Variants in ZDHHC17 observed in about 807,000 individuals in gnomAD.
ZDHHC17 encodes zDHHC palmitoyltransferase 17, also known as palmitoyltransferase ZDHHC17.
Under a neutral mutation model 90.3 loss-of-function variants are expected in ZDHHC17, and 40 were observed. That is an observed-to-expected ratio of 0.44 (90% CI 0.34 to 0.58). The LOEUF (loss-of-function observed/expected upper bound fraction) is 0.58. Among genes scored for constraint, ZDHHC17 ranks in the 20% least tolerant of loss-of-function variants. ZDHHC17 has a pLI of 0.01. For missense variants in ZDHHC17, 614 were observed against 780.8 expected, an observed-to-expected ratio of 0.79 and a Z score of 2.55; for synonymous variants, 235 against 252.4, an observed-to-expected ratio of 0.93 and a Z score of 0.65.
At chr12:76,802,145 A>T (rs1952898945) in intron 2 of ZDHHC17, among the ~76,000 whole-genome samples, 1 of 152,194 alleles carries the variant, frequency 6.6e-6, no homozygotes, top group African/African-American at 2.4e-5. Flanking sequence ...GTCCAGTGGT[A>T]ACAGATTCTC....
chr12:76,801,777 T>C (rs904092965), intron 2 of ZDHHC17, among the ~76,000 whole-genome samples: 4 of 152,232 alleles, frequency 2.6e-5, no homozygotes, highest in Admixed American at 2.0e-4. Flanking sequence ...ATACGCTTTT[T>C]AGTTGTTGAT....
intron 1 of ZDHHC17, among the ~76,000 whole-genome samples, chr12:76,774,601 C>T (rs1234946856): frequency 6.6e-6 from 1 of 152,110 alleles, no homozygotes. Context: ...CTTAGTAGAG[C>T]TTTTTTGGAA....
intron 2 of ZDHHC17, among the ~76,000 whole-genome samples, chr12:76,804,435 G>C (rs1333519462): frequency 1.3e-5 from 2 of 152,202 alleles, no homozygotes; most frequent in African/African-American, 4.8e-5. Context: ...GAAGTAAATA[G>C]AAAAGAGAAG....
intron 1 of ZDHHC17, among the ~76,000 whole-genome samples, chr12:76,776,047 T>G (rs1273787612): frequency 6.6e-6 from 1 of 152,132 alleles, no homozygotes; most frequent in African/African-American, 2.4e-5. Flanking sequence ...TAAACTTTTT[T>G]TCCTTATTTG....
chr12:76,845,590 T>C (rs958754614), intron 12 of ZDHHC17, 119 bp from the exon 13 acceptor site: 9 of 409,852 alleles, frequency 2.2e-5, no homozygotes, highest in African/African-American at 6.2e-5. Context: ...AACCTTGATA[T>C]AATCTTGTTT....
chr12:76,765,453 TAGAAA>T (rs1952420202), intron 1 of ZDHHC17, among the ~76,000 whole-genome samples: 1 of 152,228 alleles, frequency 6.6e-6, no homozygotes, highest in African/African-American at 2.4e-5. Context: ...CCAGTCTCAG[TAGAAA>T]AGGCTACTCT....
chr12:76,772,240 C>G (rs1318370105), intron 1 of ZDHHC17, among the ~76,000 whole-genome samples: 1 of 152,188 alleles, frequency 6.6e-6, no homozygotes, highest in South Asian at 2.1e-4. Context: ...TAGGCACTAG[C>G]TAGCTGTGGT....
Position 76,797,497 on chromosome 12 carries a change from A to G in ZDHHC17, c.157A>G (p.Ile53Val), listed in dbSNP as rs369619889. ...TGAACCTCTTGGACGGAAAACTCAT[A>G]TTGATGATTACAGCACATGGGACAT... ...YGEPLGRKTH[I>V]DDYSTWDIVK... is the part of the protein sequence containing the mutation. Residue 53 changes from isoleucine to valine, a missense_variant, in exon 2 of 17, where the codon ATT becomes GTT. Ile to Val is a conservative substitution (Grantham distance 29). Around this residue, in one of 5 missense-constraint regions of ZDHHC17, gnomAD observed 358 missense variants for 380.4 expected, o/e 0.94. Transcript: ENST00000426126. 3 of 1,611,568 alleles carry G rather than the reference A, an allele frequency of 1.9e-6. No individual in the cohort carries two copies. The East Asian group carries it at 6.7e-5, about 36-fold the overall frequency.
intron 12 of ZDHHC17, 56 bp from the exon 13 acceptor site, chr12:76,845,653 A>T: frequency 1.5e-6 from 1 of 682,192 alleles, no homozygotes; most frequent in Non-Finnish European, 2.4e-6. Flanking sequence ...ATAAATAGTC[A>T]GCTTTTCTCT....
intron 13 of ZDHHC17, chr12:76,846,233 T>G (rs966443901): frequency 2.0e-5 from 5 of 249,076 alleles, no homozygotes; most frequent in Non-Finnish European, 3.1e-5. Context: ...ACAGGAAACA[T>G]TACAAAGATT....
intron 10 of ZDHHC17, among the ~76,000 whole-genome samples, chr12:76,831,358 T>G (rs1032527642): frequency 6.6e-6 from 1 of 152,278 alleles, no homozygotes; most frequent in Non-Finnish European, 1.5e-5. Flanking sequence ...TGTTTTGTTT[T>G]GTTTTATTTT....
intron 8 of ZDHHC17, 120 bp from the exon 9 acceptor site, chr12:76,826,788 A>G (rs1953235602): frequency 1.0e-6 from 1 of 986,508 alleles, no homozygotes; most frequent in Admixed American, 3.4e-5. Context: ...GATACATAGC[A>G]TGCAAATTTG....
In ZDHHC17 at chr12:76,766,054, AG is replaced by A. The variant is rs1952427313; in HGVS notation, c.93+1726del. Among the ~76,000 whole-genome samples the A allele has an allele frequency of 2.0e-5, 3 of 152,322 alleles. No homozygotes were observed. The South Asian group carries it at 6.2e-4, about 32-fold the overall frequency. ...TTCATAAACCTTTGCTTTGTAATAT[AG>A]TACTGTTGTTTGCTACTTTAAGAAT... On this transcript the variant is annotated intron_variant, in intron 1 of 16. Transcript: ENST00000426126.
chr12:76,783,917 C>CAGTACCCA (rs559473348), intron 1 of ZDHHC17, among the ~76,000 whole-genome samples: 1,678 of 152,284 alleles, frequency 0.011, 11 homozygotes, highest in Non-Finnish European at 0.017. Context: ...TTGATTATGC[C>CAGTACCCA]AGAGGGCTAG....
chr12:76,834,343 G>A (rs1241877453), intron 10 of ZDHHC17, among the ~76,000 whole-genome samples: 1 of 152,114 alleles, frequency 6.6e-6, no homozygotes, highest in African/African-American at 2.4e-5. Flanking sequence ...GAAATTTTAT[G>A]TCTGAAAATA....
chr12:76,823,372 C>G (rs1953189312), intron 8 of ZDHHC17, among the ~76,000 whole-genome samples: 1 of 152,186 alleles, frequency 6.6e-6, no homozygotes, highest in Non-Finnish European at 1.5e-5. Flanking sequence ...CATATACCTT[C>G]AGTTTTAAAT....
intron 1 of ZDHHC17, chr12:76,764,843 T>C (rs558668429): frequency 7.5e-5 from 34 of 456,228 alleles, no homozygotes; most frequent in South Asian, 2.3e-4. Context: ...TCGGGCACCT[T>C]GTGTCGGGCG....
chr12:76,787,662 C>T (rs757716640), intron 1 of ZDHHC17, among the ~76,000 whole-genome samples: 24 of 151,912 alleles, frequency 1.6e-4, no homozygotes, highest in African/African-American at 4.6e-4. Flanking sequence ...TGTGTGTGCG[C>T]GCGCAGGAGA....
intron 4 of ZDHHC17, among the ~76,000 whole-genome samples, 151 bp downstream of exon 4, chr12:76,809,271 T>C (rs1156541956): frequency 6.6e-6 from 1 of 152,172 alleles, no homozygotes. Context: ...TTGTGAAATA[T>C]TACCTGTAAA....
Sources: gnomAD v4.1 joint callset for allele counts (sites outside exome capture counted in the v4.1 genomes callset) on GRCh38, gnomAD v4.1.1 for gene constraint, gnomAD v4.1.1 regional missense constraint, MANE v1.5 for transcripts, NCBI Gene and HGNC (gene_info 2026-07-23, HGNC 2026-07-21) for gene names.